The following TMEM164 variants were observed in gnomAD, a reference collection of about 807,000 sequenced individuals.
TMEM164 encodes transmembrane protein 164, also known as RP13-360B22.2.
Under a neutral mutation model 18.8 loss-of-function variants are expected in TMEM164, and 4 were observed. The ratio of observed to expected loss-of-function variants is 0.21; its 90% CI spans 0.10 to 0.49. TMEM164 has a LOEUF of 0.49. TMEM164 is among the 20% of genes least tolerant of loss of function. TMEM164 has a pLI of 0.98. For missense variants in TMEM164, 108 were observed against 239.9 expected, an observed-to-expected ratio of 0.45 and a Z score of 3.63; for synonymous variants, 86 against 101.7, an observed-to-expected ratio of 0.85 and a Z score of 0.93.
At chrX:110,085,930 G>A (rs748149663) in intron 3 of TMEM164, among the ~76,000 whole-genome samples, 2 of 112,058 alleles carry the variant, frequency 1.8e-5, no homozygotes, top group African/African-American at 3.2e-5. Context: ...TAGTAACCAC[G>A]TAGTCCAAAT....
At chrX:110,017,876 CACCTCTTT>C (rs995731855) in intron 2 of TMEM164, among the ~76,000 whole-genome samples, 1 of 111,142 alleles carries the variant, frequency 9.0e-6, no homozygotes, top group Admixed American at 9.5e-5. Context: ...GCCTGCAGGC[CACCTCTTT>C]ACCTGGCTGG....
intron 2 of TMEM164, among the ~76,000 whole-genome samples, chrX:110,038,352 T>C (rs1481194466): frequency 9.1e-6 from 1 of 110,331 alleles, no homozygotes; most frequent in African/African-American, 3.3e-5. Context: ...TCTCACACTC[T>C]CCCACATGCC....
At chrX:110,129,103 A>G (rs1201907921) in intron 4 of TMEM164, among the ~76,000 whole-genome samples, 2 of 30,031 alleles carry the variant, frequency 6.7e-5, no homozygotes, top group African/African-American at 8.6e-4. Flanking sequence ...GAATCATGCT[A>G]AATGAATTCT....
At chrX:110,005,262 A>G (rs903590135) in intron 2 of TMEM164, among the ~76,000 whole-genome samples, 9 of 112,078 alleles carry the variant, frequency 8.0e-5, no homozygotes, top group Admixed American at 5.7e-4. Context: ...TCCATTTTAC[A>G]GGCCTGGAGG....
intron 3 of TMEM164, among the ~76,000 whole-genome samples, chrX:110,091,084 C>T (rs1341733305): frequency 9.0e-6 from 1 of 111,658 alleles, no homozygotes; most frequent in African/African-American, 3.3e-5. Flanking sequence ...ATATGTGCCA[C>T]ATTTTCTTAA....
chrX:110,026,182 C>T (rs946662804), intron 2 of TMEM164, among the ~76,000 whole-genome samples: 1 of 112,256 alleles, frequency 8.9e-6, no homozygotes, highest in Non-Finnish European at 1.9e-5. Flanking sequence ...CTGGCATTAG[C>T]TGTCTGAAGG....
At chrX:110,127,041 A>G (rs1358140773) in intron 4 of TMEM164, among the ~76,000 whole-genome samples, 1 of 111,179 alleles carries the variant, frequency 9.0e-6, no homozygotes, top group African/African-American at 3.3e-5. Flanking sequence ...AAACTAGGCC[A>G]GAGGTCAACT....
In TMEM164 at chrX:110,076,302, C is replaced by A. The variant is rs191210537; in HGVS notation, c.440+8906C>A. Among the ~76,000 whole-genome samples, 5 of 110,886 alleles carry A rather than the reference C, an allele frequency of 4.5e-5. No homozygotes were observed. The East Asian group carries it at 1.4e-3, about 31-fold the overall frequency. On this transcript the variant is annotated intron_variant, in intron 3 of 6. Coordinates refer to ENST00000372068, the MANE Select transcript of TMEM164 (RefSeq NM_032227.4). ...TAGTCTCTGAGGTTCTTTCATATTT[C>A]TTTGGGATCAGTTGTAATGTCACAT...
chrX:110,084,400 A>ATATATATATAGTGTATATATATAGTATAG lies in TMEM164; in HGVS notation c.440+17027_440+17028insGTATAGTATATATATAGTGTATATATATA, dbSNP rs2065813061. Among the ~76,000 whole-genome samples, 10 of 56,046 alleles carry ATATATATATAGTGTATATATATAGTATAG rather than the reference A, an allele frequency of 1.8e-4. 1 individual carries two copies. The highest frequency in any genetic ancestry group is 7.2e-4 in the African/African-American group (9 of 12,548). The allele number at this position is 56,046 out of a possible 115,157, so 48.7% of individuals were successfully genotyped here. On this transcript the variant is annotated intron_variant, in intron 3 of 6. Coordinates refer to ENST00000372068, the MANE Select transcript of TMEM164 (RefSeq NM_032227.4). ...ATAGTGTATATATATATAGTATAGT[A>ATATATATATAGTGTATATATATAGTATAG]TATATATATAGTGTATATATATATA... is the stretch of plus-strand genomic sequence containing the variant.
chrX:110,054,051 T>C (rs1004218841), intron 2 of TMEM164, among the ~76,000 whole-genome samples: 1 of 111,865 alleles, frequency 8.9e-6, no homozygotes, highest in African/African-American at 3.3e-5. Context: ...AAAGGTAGTA[T>C]TGGCAACAAA....
chrX:110,109,128 T>C lies in TMEM164; in HGVS notation c.489T>C (p.Pro163=). The C allele has an allele frequency of 8.3e-7, 1 of 1,211,044 alleles. No homozygotes were observed. Among genetic ancestry groups the C allele is most frequent in the East Asian group, 3.0e-5 (1 of 33,853 alleles). ...GAGCTCTTCTGGCATTGCTGTTTCC[T>C]GTGGTAAACACTCGGCTGGTAAGTA... ...LNGALLALLF[P]VVNTRLLPFE... Residue 163 remains proline, a synonymous_variant, in exon 4 of 7, where the codon CCT becomes CCC. Coordinates refer to ENST00000372068, the MANE Select transcript of TMEM164 (RefSeq NM_032227.4).
At chrX:110,145,046 C>T (rs766571609) in intron 5 of TMEM164, among the ~76,000 whole-genome samples, 170 bp downstream of exon 5, 6 of 110,928 alleles carry the variant, frequency 5.4e-5, no homozygotes, top group Non-Finnish European at 7.5e-5. Flanking sequence ...TGGGAATGGA[C>T]GAGGCCTGCA....
At chrX:110,082,648 A>G (rs2065776961) in intron 3 of TMEM164, among the ~76,000 whole-genome samples, 1 of 111,620 alleles carries the variant, frequency 9.0e-6, no homozygotes, top group Non-Finnish European at 1.9e-5. Context: ...ATTAACAAAT[A>G]AGATTTCCTT....
intron 4 of TMEM164, among the ~76,000 whole-genome samples, chrX:110,128,927 C>G (rs1274160614): frequency 1.8e-5 from 2 of 110,773 alleles, no homozygotes; most frequent in African/African-American, 6.6e-5. Flanking sequence ...GGCTTGTTTC[C>G]TTGTGTATTT....
intron 3 of TMEM164, among the ~76,000 whole-genome samples, chrX:110,098,499 T>TA (rs906695300): frequency 5.4e-5 from 6 of 110,991 alleles, no homozygotes; most frequent in Admixed American, 9.6e-5. Context: ...CTTTTTTTAT[T>TA]AAAAAAAACC....
At chrX:110,008,332 C>G (rs776966456) in intron 2 of TMEM164, among the ~76,000 whole-genome samples, 1 of 111,826 alleles carries the variant, frequency 8.9e-6, no homozygotes, top group East Asian at 2.8e-4. Context: ...CTGTTTTCCC[C>G]CTTGACTTCA....
chrX:110,087,934 G>A (rs187997005), intron 3 of TMEM164, among the ~76,000 whole-genome samples: 7 of 111,710 alleles, frequency 6.3e-5, no homozygotes, highest in African/African-American at 2.3e-4. Context: ...AGGACTGTAG[G>A]CTGCATGTGA....
rs1442863316 is a variant in TMEM164 at position 110,091,110 on chromosome X, A to T, written c.441-17970A>T. 3.6e-5 allele frequency among the ~76,000 whole-genome samples: 4 copies of T among 111,550 alleles called. No individual in the cohort carries two copies. The East Asian group carries it at 8.4e-4, about 23-fold the overall frequency. The stretch of plus-strand genomic sequence containing the variant: ...ATTTTCTTAATCCAGTCTATCATTG[A>T]TGGACATTTGGGTTGGTTCCAAGTC... On this transcript the variant is annotated intron_variant, in intron 3 of 6. Transcript: ENST00000372068.
intron 3 of TMEM164, among the ~76,000 whole-genome samples, chrX:110,101,314 A>G (rs762883423): frequency 1.8e-5 from 2 of 111,745 alleles, no homozygotes; most frequent in Non-Finnish European, 3.8e-5. Context: ...ATTTAATAGT[A>G]TTATTCAGGT....
Sources: allele counts gnomAD v4.1 joint callset (sites outside exome capture counted in the v4.1 genomes callset), GRCh38; gene constraint gnomAD v4.1.1; transcripts MANE v1.5; gene names NCBI Gene and HGNC (gene_info 2026-07-23, HGNC 2026-07-21).